HERC1: variants seen among roughly 807,000 people sequenced by gnomAD.
HERC1 encodes the protein HECT and RLD domain containing E3 ubiquitin protein ligase family member 1, also known as probable E3 ubiquitin-protein ligase HERC1.
Under a neutral mutation model 554.3 loss-of-function variants are expected in HERC1, and 160 were observed. The observed-to-expected ratio is 0.29, with a 90% CI of 0.25 to 0.33. HERC1 has a LOEUF of 0.33. Among genes scored for constraint, HERC1 ranks in the 10% least tolerant of loss-of-function variants. The pLI, the probability that HERC1 is intolerant of heterozygous loss-of-function variation, is 1.00. For missense variants in HERC1, 4,919 were observed against 5,918.5 expected (o/e 0.83, Z 5.54); for synonymous variants, 2,175 against 2,131.7 (o/e 1.02, Z -0.56).
chr15:63,754,823 C>T (rs531711937), intron 6 of HERC1, among the ~76,000 whole-genome samples, 175 bp from the exon 7 acceptor site: 49 of 152,230 alleles, frequency 3.2e-4, no homozygotes, highest in African/African-American at 1.2e-3. Context: ...CCAAGGTGCT[C>T]CTAAACTGGG....
intron 37 of HERC1, among the ~76,000 whole-genome samples, chr15:63,676,403 C>T (rs1269688724): frequency 1.3e-5 from 2 of 152,116 alleles, no homozygotes; most frequent in African/African-American, 4.8e-5. Context: ...TAAGATGATC[C>T]ATAGCATTCA....
intron 1 of HERC1, among the ~76,000 whole-genome samples, chr15:63,811,111 C>A (rs1399836235): frequency 6.6e-6 from 1 of 151,168 alleles, no homozygotes; most frequent in Non-Finnish European, 1.5e-5. Flanking sequence ...ATCCTGGACC[C>A]GAAAAAAACA....
intron 1 of HERC1, among the ~76,000 whole-genome samples, chr15:63,832,773 T>C (rs968389196): frequency 6.1e-4 from 93 of 151,878 alleles, no homozygotes; most frequent in African/African-American, 2.1e-3. Context: ...CTGATTCAAA[T>C]AAAATAAATC....
At position 63,636,842 on chromosome 15, in the gene HERC1, C is replaced by T. The variant is rs2068802694; in HGVS notation, c.12232+663G>A. 3 of 192,058 alleles carry T rather than the reference C, an allele frequency of 1.6e-5. No individual in the cohort carries two copies. In the Admixed American group the frequency reaches 1.6e-4, roughly 10 times the overall value. 11.9% of individuals were successfully genotyped at this position (192,058 alleles called of 1,614,324 possible). A position where few individuals can be genotyped will look rare whatever the true frequency, so the allele number is the denominator to read the frequency against. The stretch of plus-strand genomic sequence containing the variant: ...AGAGGTCTCGAAGCTTGTGCAATGT[C>T]CCAGAGCCAAGGACCAGTAGAACCC... On this transcript the variant is annotated intron_variant, in intron 64 of 77. Coordinates refer to ENST00000443617, the MANE Select transcript of HERC1 (RefSeq NM_003922.4).
At chr15:63,715,639 T>C (rs977382118) in intron 22 of HERC1, among the ~76,000 whole-genome samples, 1 of 152,190 alleles carries the variant, frequency 6.6e-6, no homozygotes, top group Non-Finnish European at 1.5e-5. Context: ...GCTGATCATG[T>C]TTTAGGGTAC....
chr15:63,636,238 G>C, intron 64 of HERC1, 96 bp from the exon 65 acceptor site: 5 of 943,824 alleles, frequency 5.3e-6, no homozygotes, highest in Non-Finnish European at 7.9e-6. Context: ...AAAAACCACC[G>C]AATTGGTACT....
intron 48 of HERC1, among the ~76,000 whole-genome samples, chr15:63,657,064 TCA>T (rs2070081470): frequency 6.6e-6 from 1 of 152,150 alleles, no homozygotes; most frequent in Non-Finnish European, 1.5e-5. Context: ...GATCTCTGGG[TCA>T]CAGAGTATGT....
In HERC1 at chr15:63,672,403, A is replaced by C. The variant is rs909819568; in HGVS notation, c.8045+93T>G. 9.8e-6 allele frequency: 8 copies of C among 819,872 alleles called. No individual in the cohort carries two copies. The African/African-American group carries it at 1.4e-4, about 14-fold the overall frequency. 50.8% of individuals were successfully genotyped at this position (819,872 alleles called of 1,614,324 possible). A position where few individuals can be genotyped will look rare whatever the true frequency, so the allele number is the denominator to read the frequency against. ...GTTTCTTTCTAGCTCTAGAACACCA[A>C]GATTCAGTTGGGCATACTATTCATA... On this transcript the variant is annotated intron_variant, in intron 39 of 77. Coordinates refer to ENST00000443617, the MANE Select transcript of HERC1 (RefSeq NM_003922.4).
rs781208680 is a variant in HERC1 at position 63,638,738 on chromosome 15, A to C, written c.11940T>G (p.Ile3980Met). 5 of 1,613,602 alleles carry C rather than the reference A, an allele frequency of 3.1e-6. No homozygotes were observed. Among genetic ancestry groups the C allele is most frequent in the Non-Finnish European group, 4.2e-6 (5 of 1,179,548 alleles). Residue 3980 changes from isoleucine (I) to methionine (M), a missense_variant, in exon 62 of 78, where the codon ATT (isoleucine) becomes ATG (methionine). By Grantham distance (10) the Ile-to-Met change is conservative (BLOSUM62 1). Coordinates refer to ENST00000443617, the MANE Select transcript of HERC1 (RefSeq NM_003922.4). ...SKWINGMDEQ[I>M]MSWATSRPED... ...CAGGTCTGGAAGTTGCCCAAGACAT[A>C]ATTTGTTCATCCATGCCGTTAATCC... is the stretch of plus-strand genomic sequence containing the variant.
intron 1 of HERC1, among the ~76,000 whole-genome samples, chr15:63,811,580 C>T (rs949627652): frequency 1.3e-5 from 2 of 151,920 alleles, no homozygotes; most frequent in Admixed American, 6.6e-5. Flanking sequence ...GCGGCCGAGA[C>T]GGGCAGATCA....
chr15:63,640,363 T>C lies in HERC1; in HGVS notation c.11690A>G (p.Asp3897Gly), dbSNP rs765208442. The C allele has an allele frequency of 6.2e-7, 1 of 1,613,818 alleles. No individual in the cohort carries two copies. Among genetic ancestry groups the C allele is most frequent in the East Asian group, 2.2e-5 (1 of 44,876 alleles). ...LASLAVGLHL[D>G]QLLCNPPVPP... ...CACTGGAGGGTTACACAACAGCTGA[T>C]CCAGATGAAGTCCCACAGCAAGGGA... The change falls in exon 61 of 78, where the codon GAT becomes GGT. Residue 3897 changes from aspartate to glycine, a missense_variant. Coordinates refer to ENST00000443617, the MANE Select transcript of HERC1 (RefSeq NM_003922.4).
intron 1 of HERC1, 84 bp downstream of exon 1, chr15:63,833,743 A>ACACGCGCGCG (rs1386424635): frequency 4.5e-5 from 3 of 66,268 alleles, no homozygotes; most frequent in African/African-American, 1.4e-4. Flanking sequence ...CAAAGCACAC[A>ACACGCGCGCG]CGCGCGCGCG....
intron 70 of HERC1, among the ~76,000 whole-genome samples, chr15:63,627,282 C>T (rs1319193688): frequency 6.6e-6 from 1 of 152,228 alleles, no homozygotes. Flanking sequence ...GTTAACAAAA[C>T]TGGAAGAGAA....
intron 59 of HERC1, 37 bp downstream of exon 59, chr15:63,642,920 G>C: frequency 8.2e-7 from 1 of 1,223,798 alleles, no homozygotes; most frequent in Non-Finnish European, 1.2e-6. Context: ...TTCCTTACAA[G>C]CTTACACCCT....
intron 12 of HERC1, among the ~76,000 whole-genome samples, chr15:63,746,109 G>A (rs916379975): frequency 2.6e-5 from 4 of 151,426 alleles, no homozygotes; most frequent in Non-Finnish European, 5.9e-5. Context: ...ATTTCTTAAG[G>A]TAGAAGGTTA....
intron 40 of HERC1, among the ~76,000 whole-genome samples, chr15:63,667,112 T>C (rs62014172): frequency 0.14 from 22,004 of 152,226 alleles, 2,095 homozygotes; most frequent in Middle Eastern, 0.21. Flanking sequence ...GCTATAGTGT[T>C]GGTGGCCATA....
At chr15:63,670,631 C>G (rs558341750) in intron 39 of HERC1, among the ~76,000 whole-genome samples, 5 of 152,084 alleles carry the variant, frequency 3.3e-5, no homozygotes, top group South Asian at 4.2e-4. Context: ...AGCAAGGGGG[C>G]ATGATTCTAC....
At chr15:63,661,342 A>G (rs2070347851) in intron 45 of HERC1, among the ~76,000 whole-genome samples, 1 of 152,210 alleles carries the variant, frequency 6.6e-6, no homozygotes, top group Admixed American at 6.5e-5. Flanking sequence ...CCTACTCTCT[A>G]GGGATTAAGG....
chr15:63,806,576 T>C (rs1375157239), intron 1 of HERC1, among the ~76,000 whole-genome samples: 1 of 152,180 alleles, frequency 6.6e-6, no homozygotes, highest in Non-Finnish European at 1.5e-5. Flanking sequence ...CCCTACTCTT[T>C]TGTCCCTTTC....
Sources: gnomAD v4.1 joint callset for allele counts (sites outside exome capture counted in the v4.1 genomes callset) on GRCh38, gnomAD v4.1.1 for gene constraint, MANE v1.5 for transcripts, NCBI Gene and HGNC (gene_info 2026-07-23, HGNC 2026-07-21) for gene names.